The following OR56B2 variants were observed in gnomAD, a reference collection of about 807,000 sequenced individuals.
OR56B2 encodes olfactory receptor 56B2.
chr11:5,767,785 T>A, the OR56B2 span, among the ~76,000 whole-genome samples: 1 of 139,288 alleles, frequency 7.2e-6, no homozygotes, highest in East Asian at 2.1e-4. Context: ...ACATTATGCT[T>A]AGGTTAGTGA....
the OR56B2 span, among the ~76,000 whole-genome samples, chr11:5,763,595 G>A: frequency 1.4e-5 from 2 of 140,618 alleles, 1 homozygote; most frequent in Non-Finnish European, 3.1e-5. Flanking sequence ...ACAGGCGTGA[G>A]CCACTGCACC....
At chr11:5,765,981 C>G in the OR56B2 span, 3 of 140,126 alleles carry the variant, frequency 2.1e-5, 1 homozygote, top group Non-Finnish European at 4.7e-5. Context: ...TGCCCTGAAC[C>G]CCATGGTATA....
At chr11:5,761,423 A>C in the OR56B2 span, among the ~76,000 whole-genome samples, 1 of 152,184 alleles carries the variant, frequency 6.6e-6, no homozygotes, top group Non-Finnish European at 1.5e-5. Context: ...ACTTTATGGA[A>C]CCTAATACAA....
the OR56B2 span, among the ~76,000 whole-genome samples, chr11:5,763,320 A>T: frequency 7.4e-5 from 1 of 13,492 alleles, no homozygotes. Context: ...TTTATTTATT[A>T]ATTTATTTTT....
the OR56B2 span, among the ~76,000 whole-genome samples, chr11:5,764,767 C>G: frequency 7.2e-6 from 1 of 139,622 alleles, no homozygotes; most frequent in African/African-American, 2.6e-5. Context: ...AACCGGGCTG[C>G]AATACCAGAT....
the OR56B2 span, among the ~76,000 whole-genome samples, chr11:5,767,800 A>T: frequency 7.2e-6 from 1 of 139,670 alleles, no homozygotes; most frequent in Non-Finnish European, 1.6e-5. Context: ...TAGTGAAGAA[A>T]GCCAAACACA....
chr11:5,761,350 C>T, the OR56B2 span: 1 of 152,140 alleles, frequency 6.6e-6, no homozygotes, highest in Non-Finnish European at 1.5e-5. Flanking sequence ...CATAATGCTT[C>T]TTTAATGACT....
At chr11:5,761,626 C>T in the OR56B2 span, among the ~76,000 whole-genome samples, 1 of 152,082 alleles carries the variant, frequency 6.6e-6, no homozygotes, top group African/African-American at 2.4e-5. Context: ...GTATTAGACA[C>T]TGTAACTCTC....
the OR56B2 span, among the ~76,000 whole-genome samples, chr11:5,763,858 C>T: frequency 7.2e-6 from 1 of 139,804 alleles, no homozygotes; most frequent in African/African-American, 2.6e-5. Context: ...ATATATTTTT[C>T]CTTCTTTGGG....
chr11:5,766,686 A>C, the OR56B2 span: 1 of 139,130 alleles, frequency 7.2e-6, no homozygotes, highest in African/African-American at 2.6e-5. Flanking sequence ...CTTTACCCCC[A>C]TATTATACAT....
chr11:5,763,590 C>T, the OR56B2 span, among the ~76,000 whole-genome samples: 241 of 140,530 alleles, frequency 1.7e-3, 40 homozygotes, highest in African/African-American at 6.0e-3. Flanking sequence ...GGATTACAGG[C>T]GTGAGCCACT....
the OR56B2 span, among the ~76,000 whole-genome samples, chr11:5,764,937 T>C: frequency 0.051 from 7,182 of 140,262 alleles, 1,457 homozygotes; most frequent in Non-Finnish European, 0.08. Context: ...ACAGAGAATG[T>C]ACCTAATATC....
At chr11:5,766,696 T>C in the OR56B2 span, 3 of 139,300 alleles carry the variant, frequency 2.2e-5, 1 homozygote, top group Admixed American at 1.5e-4. Flanking sequence ...ATATTATACA[T>C]ATAAATGTAC....
chr11:5,768,966 G>A, the OR56B2 span, among the ~76,000 whole-genome samples: 3 of 138,788 alleles, frequency 2.2e-5, 1 homozygote, highest in African/African-American at 7.9e-5. Context: ...AGTATCAGAA[G>A]TTACCTCTAC....
chr11:5,763,605 C>A, the OR56B2 span, among the ~76,000 whole-genome samples: 1 of 140,564 alleles, frequency 7.1e-6, no homozygotes, highest in Non-Finnish European at 1.6e-5. Flanking sequence ...GCCACTGCAC[C>A]TGGCCTCCAC....
chr11:5,768,725 G>T, the OR56B2 span, among the ~76,000 whole-genome samples: 3 of 139,580 alleles, frequency 2.1e-5, 1 homozygote, highest in East Asian at 6.2e-4. Flanking sequence ...ATGTATATTT[G>T]TTATATAACT....
At chr11:5,763,665 A>G in the OR56B2 span, among the ~76,000 whole-genome samples, 1 of 140,088 alleles carries the variant, frequency 7.1e-6, no homozygotes, top group Non-Finnish European at 1.6e-5. Context: ...CCTCATAAAC[A>G]ATACAAGACT....
the OR56B2 span, among the ~76,000 whole-genome samples, chr11:5,761,781 A>C: frequency 6.6e-6 from 1 of 152,174 alleles, no homozygotes; most frequent in South Asian, 2.1e-4. Flanking sequence ...CCCATCTTGC[A>C]AGAATTTTAA....
At chr11:5,765,465 G>T in the OR56B2 span, 3 of 140,880 alleles carry the variant, frequency 2.1e-5, no homozygotes, top group African/African-American at 7.8e-5. Context: ...AAGTACCTTT[G>T]TCTGCATGGC....
Sources: gnomAD v4.1 joint callset for allele counts (sites outside exome capture counted in the v4.1 genomes callset) on GRCh38, gnomAD v4.1.1 for gene constraint, MANE v1.5 for transcripts, NCBI Gene and HGNC (gene_info 2026-07-23, HGNC 2026-07-21) for gene names.